PDXK: variants seen among roughly 807,000 people sequenced by gnomAD.
PDXK encodes pyridoxal kinase, also known as epididymis secretory sperm binding protein Li 1a.
PDXK carries 15 observed loss-of-function variants against 43.2 expected under a neutral mutation model. The observed-to-expected ratio is 0.35, with a 90% CI of 0.23 to 0.53. PDXK has a LOEUF of 0.53. Ranked by LOEUF, PDXK falls within the 20% of genes least tolerant of loss-of-function variation. PDXK has a pLI of 0.92. For missense variants in PDXK, 343 were observed against 417.0 expected, an observed-to-expected ratio of 0.82 and a Z score of 1.54; for synonymous variants, 172 against 165.4, an observed-to-expected ratio of 1.04 and a Z score of -0.31.
At chr21:43,743,468 A>C (rs1268317343) in intron 3 of PDXK, among the ~76,000 whole-genome samples, 1 of 6,840 alleles carries the variant, frequency 1.5e-4, no homozygotes, top group African/African-American at 7.0e-4. Context: ...CCCTCCCCCC[A>C]GCCCCCGAGC....
At position 43,726,894 on chromosome 21, in the gene PDXK, G is replaced by A. The variant is rs535027678; in HGVS notation, c.88-7175G>A. On this transcript the variant is annotated intron_variant, in intron 1 of 10. Transcript: ENST00000291565. Reference sequence around the variant, plus strand: ...ATGTGGGTGTGCTTGTGTGTACATGGCATGCATGTGTGCATGTGGGATGCA... The same window carrying A: ...ATGTGGGTGTGCTTGTGTGTACATGACATGCATGTGTGCATGTGGGATGCA... 7.5e-4 allele frequency among the ~76,000 whole-genome samples: 114 copies of A among 152,232 alleles called. 1 individual carries two copies. The highest frequency in any genetic ancestry group is 3.4e-3 in the Middle Eastern group (1 of 294).
chr21:43,728,181 C>T (rs1316196241), intron 1 of PDXK, among the ~76,000 whole-genome samples: 1 of 152,156 alleles, frequency 6.6e-6, no homozygotes, highest in Non-Finnish European at 1.5e-5. Flanking sequence ...GGGGCCATTT[C>T]CACCAGAAGT....
At position 43,737,878 on chromosome 21, in the gene PDXK, G is replaced by A. The variant is rs189298020; in HGVS notation, c.142+3755G>A. 6 of 985,442 alleles carry A rather than the reference G, an allele frequency of 6.1e-6. No individual in the cohort carries two copies. Among genetic ancestry groups the A allele is most frequent in the East Asian group, 1.1e-4 (1 of 8,816 alleles). The allele number at this position is 985,442 out of a possible 1,614,324, so 61.0% of individuals were successfully genotyped here. A position where few individuals can be genotyped will look rare whatever the true frequency, so the allele number is the denominator to read the frequency against. ...AATGAGTTGGACACAAGATCCAAGCGCCCTCCCCTGTTGGAGAAGGTTCTT... is the reference window on the plus strand; with the variant it reads ...AATGAGTTGGACACAAGATCCAAGCACCCTCCCCTGTTGGAGAAGGTTCTT... On this transcript the variant is annotated intron_variant, in intron 2 of 10. Transcript: ENST00000291565. The surrounding 1 kb of genome is among the most constrained non-coding windows in gnomAD (Gnocchi z 4.8).
rs1383118453 is a variant in PDXK, at chr21:43,754,181, G to A, written c.759+462G>A. Among the ~76,000 whole-genome samples, 1 of 152,230 alleles carries A rather than the reference G, an allele frequency of 6.6e-6. No homozygotes were observed. Among genetic ancestry groups the A allele is most frequent in the African/African-American group, 2.4e-5 (1 of 41,462 alleles). ...GAGCCGCCCTTCGGGGACAGTAGGTGGGAGGCTGAGGACAGGGGTCCAGGC... is the reference window on the plus strand; with the variant it reads ...GAGCCGCCCTTCGGGGACAGTAGGTAGGAGGCTGAGGACAGGGGTCCAGGC... On this transcript the variant is annotated intron_variant, in intron 9 of 10. Transcript: ENST00000291565. The surrounding 1 kb of genome is among the most constrained non-coding windows in gnomAD (Gnocchi z 5.5).
chr21:43,736,881 C>T, intron 2 of PDXK: 2 of 697,542 alleles, frequency 2.9e-6, no homozygotes, highest in South Asian at 3.0e-5. Context: ...CGATCCTGCC[C>T]CCTCAGCCTC....
rs769894954 is a variant in PDXK, at chr21:43,755,944, C to G, written c.827-7C>G. The G allele has an allele frequency of 3.1e-6, 5 of 1,598,424 alleles. No homozygotes were observed. The South Asian group carries it at 3.3e-5, about 11-fold the overall frequency. On this transcript the variant is annotated splice_polypyrimidine_tract_variant and splice_region_variant and intron_variant, in intron 10 of 10. Transcript: ENST00000291565. ...TGGGAACTCAGTGCTCTCTGCCTGC[C>G]CCGCAGCCCAGGCCGGGGAAGGAGT...
intron 2 of PDXK, chr21:43,738,352 T>C (rs1439675370): frequency 6.6e-6 from 1 of 152,286 alleles, no homozygotes; most frequent in Non-Finnish European, 1.5e-5. Flanking sequence ...ACCTGGACCT[T>C]GGACCCCCGT....
chr21:43,732,509 T>C lies in PDXK; in HGVS notation c.88-1560T>C. 1 of 1,393,456 alleles carries C rather than the reference T, an allele frequency of 7.2e-7. No homozygotes were observed. The highest frequency in any genetic ancestry group is 1.0e-6 in the Non-Finnish European group (1 of 979,448). 86.3% of individuals were successfully genotyped at this position (1,393,456 alleles called of 1,614,324 possible). A position where few individuals can be genotyped will look rare whatever the true frequency, so the allele number is the denominator to read the frequency against. On this transcript the variant is annotated intron_variant, in intron 1 of 10. Coordinates refer to ENST00000291565, the MANE Select transcript of PDXK (RefSeq NM_003681.5). This position sits in a 1 kb window ranked among gnomAD's most constrained non-coding sequence, Gnocchi z 4.1. ...CGTGCTCTCATTTAAAAGCAGAAAA[T>C]AGCGACTTCATTCTCGGATACGTTT...
Position 43,737,319 on chromosome 21 carries a change from C to T in PDXK, c.142+3196C>T. ...TCGAGGCTGCTGCTCGCACTTCTGC[C>T]CCTTCCCCCGGCCAGGCCCCCGTTC... On this transcript the variant is annotated intron_variant, in intron 2 of 10. Transcript: ENST00000291565. The surrounding 1 kb of genome is among the most constrained non-coding windows in gnomAD (Gnocchi z 4.8). 1 of 1,369,020 alleles carries T rather than the reference C, an allele frequency of 7.3e-7. No individual in the cohort carries two copies. Among genetic ancestry groups the T allele is most frequent in the Non-Finnish European group, 9.4e-7 (1 of 1,061,610 alleles). 84.8% of individuals were successfully genotyped at this position (1,369,020 alleles called of 1,614,324 possible).
At chr21:43,722,125 G>T (rs1022655475) in intron 1 of PDXK, among the ~76,000 whole-genome samples, 4 of 152,220 alleles carry the variant, frequency 2.6e-5, no homozygotes, top group Admixed American at 2.0e-4. Flanking sequence ...TGCACCCTGG[G>T]GTGGGGCACT....
At chr21:43,729,282 CAG>C (rs996447958) in intron 1 of PDXK, among the ~76,000 whole-genome samples, 2 of 152,266 alleles carry the variant, frequency 1.3e-5, no homozygotes, top group Non-Finnish European at 2.9e-5. Context: ...CCAGGGCCGG[CAG>C]AGAGCCCCAG....
chr21:43,738,185 G>C lies in PDXK; in HGVS notation c.143-3482G>C, dbSNP rs149733837. On this transcript the variant is annotated intron_variant, in intron 2 of 10. Coordinates refer to ENST00000291565, the MANE Select transcript of PDXK (RefSeq NM_003681.5). ...GTCAGCAGGTTAAAAGAGGCCATCAGGGCTCTGGGTGGGCCCTGATCCAAG... is the reference window on the plus strand; with the variant it reads ...GTCAGCAGGTTAAAAGAGGCCATCACGGCTCTGGGTGGGCCCTGATCCAAG... 3.3e-4 allele frequency: 108 copies of C among 327,602 alleles called. 1 individual carries two copies. Among genetic ancestry groups the C allele is most frequent in the African/African-American group, 2.3e-3 (103 of 44,796 alleles). The allele number at this position is 327,602 out of a possible 1,614,324, so 20.3% of individuals were successfully genotyped here.
At chr21:43,748,953 C>A in intron 5 of PDXK, 42 bp from the exon 6 acceptor site, 1 of 1,278,762 alleles carries the variant, frequency 7.8e-7, no homozygotes, top group Non-Finnish European at 1.1e-6. Context: ...GTGCTTCCCT[C>A]ACGGTGACTC....
chr21:43,745,295 C>G (rs1268396934), intron 4 of PDXK, among the ~76,000 whole-genome samples: 2 of 152,104 alleles, frequency 1.3e-5, no homozygotes, highest in Non-Finnish European at 2.9e-5. Context: ...TGGCGCACAC[C>G]TCTAATCTCA....
At chr21:43,755,578 C>G in intron 9 of PDXK, 120 bp from the exon 10 acceptor site, 1 of 859,834 alleles carries the variant, frequency 1.2e-6, no homozygotes, top group Non-Finnish European at 2.0e-6. Context: ...GGAGCCGGCT[C>G]CCCGGTGGCT....
At chr21:43,725,302 G>C (rs1252205860) in intron 1 of PDXK, among the ~76,000 whole-genome samples, 2 of 150,992 alleles carry the variant, frequency 1.3e-5, no homozygotes, top group African/African-American at 4.9e-5. Flanking sequence ...CAGCACGGGC[G>C]ACAGAGCAAG....
chr21:43,746,217 C>G, intron 5 of PDXK, 92 bp downstream of exon 5: 1 of 974,932 alleles, frequency 1.0e-6, no homozygotes, highest in South Asian at 1.3e-5. Flanking sequence ...AAGTGTCTAA[C>G]TCGGTGGGAC....
chr21:43,719,704 G>C (rs1422571471), intron 1 of PDXK: 24 of 985,348 alleles, frequency 2.4e-5, no homozygotes, highest in Non-Finnish European at 2.7e-5. Context: ...AACTGCCGCG[G>C]GGGCGGGCGG....
rs754617780 is a variant in PDXK, at chr21:43,759,069, C to T, written c.*3006C>T. 3.3e-5 allele frequency: 5 copies of T among 152,252 alleles called. No homozygotes were observed. The highest frequency in any genetic ancestry group is 5.9e-5 in the Non-Finnish European group (4 of 68,046). 9.4% of individuals were successfully genotyped at this position (152,252 alleles called of 1,614,324 possible). A position where few individuals can be genotyped will look rare whatever the true frequency, so the allele number is the denominator to read the frequency against. On this transcript the variant is annotated 3_prime_UTR_variant, in exon 11 of 11. Transcript: ENST00000291565. ...ATGAGTAAGTGAGGGATGTCTCCAT[C>T]TTGAGATCACCAGGCAAGAGAGTTG...
Sources: gnomAD v4.1 joint callset for allele counts (sites outside exome capture counted in the v4.1 genomes callset) on GRCh38, gnomAD v4.1.1 for gene constraint, Gnocchi (gnomAD v3.1) non-coding constraint, MANE v1.5 for transcripts, NCBI Gene and HGNC (gene_info 2026-07-23, HGNC 2026-07-21) for gene names.